The following SCAPER variants were observed in gnomAD, a reference collection of about 807,000 sequenced individuals.
SCAPER encodes the protein S phase cyclin A-associated protein in the endoplasmic reticulum.
In SCAPER, 98 loss-of-function variants were observed where a neutral mutation model predicts 182.2. The observed-to-expected ratio is 0.54, with a 90% CI of 0.46 to 0.64. The LOEUF is 0.64. SCAPER is among the 30% of genes least tolerant of loss of function. The pLI, the probability that SCAPER is intolerant of heterozygous loss-of-function variation, is 0.00. For synonymous variants in SCAPER, 605 were observed against 564.6 expected (o/e 1.07, Z -1.01); for missense variants, 1,432 against 1,690.0 (o/e 0.85, Z 2.68).
chr15:76,851,044 A>C (rs777712770), intron 4 of SCAPER, among the ~76,000 whole-genome samples: 24 of 152,130 alleles, frequency 1.6e-4, no homozygotes, highest in Admixed American at 2.0e-4. Flanking sequence ...AAACACACTA[A>C]GAATTTCACA....
chr15:76,844,823 C>A (rs1375952635), intron 4 of SCAPER, among the ~76,000 whole-genome samples: 1 of 152,060 alleles, frequency 6.6e-6, no homozygotes, highest in Non-Finnish European at 1.5e-5. Flanking sequence ...TCAAACTATT[C>A]CAAAAACAGA....
chr15:76,793,863 G>A (rs760124920), intron 8 of SCAPER, among the ~76,000 whole-genome samples: 4 of 152,174 alleles, frequency 2.6e-5, no homozygotes, highest in Non-Finnish European at 5.9e-5. Context: ...GCAGTCTTGT[G>A]GGGTTGAGCC....
rs1355333603 is a variant in SCAPER at position 76,552,117 on chromosome 15, TTC to T, written c.2838+22039_2838+22040del. ...CCTGGGCAACAAAAAGAGATCCTGT[TTC>T]TACAAATTTAAAAACGAGCCAAGCA... On this transcript the variant is annotated intron_variant, in intron 23 of 31. Transcript: ENST00000563290. Among the ~76,000 whole-genome samples, 8 of 152,022 alleles carry T rather than the reference TTC, an allele frequency of 5.3e-5. No individual in the cohort carries two copies. The East Asian group carries it at 1.6e-3, about 30-fold the overall frequency.
intron 15 of SCAPER, among the ~76,000 whole-genome samples, chr15:76,734,092 T>G (rs1482505084): frequency 2.0e-5 from 3 of 152,198 alleles, no homozygotes; most frequent in African/African-American, 7.2e-5. Flanking sequence ...TCTAATGAGT[T>G]TGAAAGGACA....
intron 25 of SCAPER, among the ~76,000 whole-genome samples, chr15:76,460,865 T>C (rs2049118086): frequency 6.6e-6 from 1 of 152,132 alleles, no homozygotes; most frequent in African/African-American, 2.4e-5. Context: ...TTAGCTTTCC[T>C]TAATGTTAAT....
chr15:76,756,464 G>A (rs2062441155), intron 14 of SCAPER, among the ~76,000 whole-genome samples: 1 of 151,988 alleles, frequency 6.6e-6, no homozygotes, highest in Admixed American at 6.6e-5. Flanking sequence ...TGTAATCTTG[G>A]TTACTCAGCA....
intron 20 of SCAPER, 80 bp from the exon 21 acceptor site, chr15:76,665,869 G>A (rs2056535052): frequency 1.7e-6 from 2 of 1,186,812 alleles, no homozygotes; most frequent in Admixed American, 3.0e-5. Flanking sequence ...ACTACAGTGA[G>A]TTTAAGACAT....
At chr15:76,451,103 A>G (rs532968257) in intron 25 of SCAPER, among the ~76,000 whole-genome samples, 1 of 152,346 alleles carries the variant, frequency 6.6e-6, no homozygotes, top group South Asian at 2.1e-4. Context: ...AATTTCAAAT[A>G]ACTGCAATCA....
intron 5 of SCAPER, among the ~76,000 whole-genome samples, chr15:76,812,540 G>T (rs559214105): frequency 6.7e-6 from 1 of 148,980 alleles, no homozygotes; most frequent in East Asian, 2.0e-4. Flanking sequence ...AAAACAAAGA[G>T]TTGGTTGTAT....
intron 21 of SCAPER, among the ~76,000 whole-genome samples, chr15:76,654,762 G>A (rs532646307): frequency 6.6e-6 from 1 of 152,330 alleles, no homozygotes; most frequent in Admixed American, 6.5e-5. Context: ...GGCTCACCAG[G>A]TCCTACCAAG....
chr15:76,501,345 TAAA>T (rs35025661), intron 24 of SCAPER, among the ~76,000 whole-genome samples: 88 of 126,970 alleles, frequency 6.9e-4, no homozygotes, highest in African/African-American at 1.3e-3. Context: ...CAATTTCATG[TAAA>T]AAAAAAAAAA....
chr15:76,422,961 G>C (rs1217583849), intron 26 of SCAPER, among the ~76,000 whole-genome samples: 10 of 149,894 alleles, frequency 6.7e-5, no homozygotes, highest in South Asian at 2.1e-4. Flanking sequence ...TGCATCCCAG[G>C]GATGAAGCCC....
At chr15:76,693,055 T>C (rs2058464400) in intron 20 of SCAPER, among the ~76,000 whole-genome samples, 1 of 152,190 alleles carries the variant, frequency 6.6e-6, no homozygotes, top group Non-Finnish European at 1.5e-5. Context: ...TTCTTGTTGC[T>C]CTGTCAATTT....
At chr15:76,698,071 A>C (rs1411317678) in intron 20 of SCAPER, among the ~76,000 whole-genome samples, 2 of 152,160 alleles carry the variant, frequency 1.3e-5, no homozygotes, top group Non-Finnish European at 2.9e-5. Context: ...AAATTCAAGT[A>C]GAAAATGGGG....
At position 76,606,119 on chromosome 15, in the gene SCAPER, T is replaced by C. The variant is rs539730746; in HGVS notation, c.2711+15645A>G. 4.6e-5 allele frequency among the ~76,000 whole-genome samples: 7 copies of C among 152,310 alleles called. 1 individual carries two copies. Among genetic ancestry groups the C allele is most frequent in the African/African-American group, 1.7e-4 (7 of 41,562 alleles). On this transcript the variant is annotated intron_variant, in intron 22 of 31. Coordinates refer to ENST00000563290, the MANE Select transcript of SCAPER (RefSeq NM_020843.4). Reference sequence around the variant, plus strand: ...TTCTTTTAATTGTGATGTTAGGGTGTCAATTTTAGATCTTTCCTGCTTTCT... The same window carrying C: ...TTCTTTTAATTGTGATGTTAGGGTGCCAATTTTAGATCTTTCCTGCTTTCT...
chr15:76,726,227 C>A (rs1380734858), intron 17 of SCAPER, among the ~76,000 whole-genome samples: 1 of 144,480 alleles, frequency 6.9e-6, no homozygotes, highest in African/African-American at 2.6e-5. Context: ...GTAACCTGTC[C>A]CCAAAAATAT....
intron 2 of SCAPER, among the ~76,000 whole-genome samples, chr15:76,882,615 T>C (rs1424349880): frequency 6.6e-6 from 1 of 152,010 alleles, no homozygotes; most frequent in Non-Finnish European, 1.5e-5. Flanking sequence ...GAGTATGAAG[T>C]GGGAGGGATG....
rs113299386 is a variant in SCAPER, at chr15:76,668,320, A to AT, written c.2509-2532dup. Among the ~76,000 whole-genome samples the AT allele has an allele frequency of 1.9e-3, 296 of 152,264 alleles. 3 individuals carry two copies. The highest frequency in any genetic ancestry group is 6.5e-3 in the African/African-American group (268 of 41,546). ...CTTTTCTCTATAAAAATGGCCACTT[A>AT]TTTTTTTAAAACAACAGTCAAATCA... On this transcript the variant is annotated intron_variant, in intron 20 of 31. Transcript: ENST00000563290.
chr15:76,459,254 C>T (rs746428062), intron 25 of SCAPER, among the ~76,000 whole-genome samples: 2 of 152,120 alleles, frequency 1.3e-5, no homozygotes, highest in East Asian at 1.9e-4. Flanking sequence ...TTTTGTGCCT[C>T]GCTTATTTCA....
Sources: allele counts gnomAD v4.1 joint callset (sites outside exome capture counted in the v4.1 genomes callset), GRCh38; gene constraint gnomAD v4.1.1; transcripts MANE v1.5; gene names NCBI Gene and HGNC (gene_info 2026-07-23, HGNC 2026-07-21).